PHB1: variants seen among roughly 807,000 people sequenced by gnomAD.
The protein encoded by PHB1 is epididymis luminal protein 215.
the PHB1 span, chr17:49,409,532 GTTTTTTTTTTGT>G: frequency 0.017 from 12,023 of 719,766 alleles, no homozygotes; most frequent in Non-Finnish European, 0.019. Flanking sequence ...GAAAACAAGT[GTTTTTTTTTTGT>G]TTTTTTTTTT....
the PHB1 span, chr17:49,414,257 C>T: frequency 1.3e-5 from 2 of 152,190 alleles, no homozygotes; most frequent in East Asian, 1.9e-4. Flanking sequence ...CACCATACTG[C>T]TTGTCAACAT....
chr17:49,411,543 G>A, the PHB1 span: 14 of 728,538 alleles, frequency 1.9e-5, no homozygotes, highest in African/African-American at 5.3e-5. Context: ...TCCAGGGCAA[G>A]TAGTCTAGTC....
At chr17:49,409,173 A>C in the PHB1 span, 2 of 1,597,228 alleles carry the variant, frequency 1.3e-6, no homozygotes, top group Non-Finnish European at 1.7e-6. Context: ...TTTCAAAGGG[A>C]GGAGCAGAAG....
the PHB1 span, among the ~76,000 whole-genome samples, chr17:49,411,086 A>G: frequency 3.7e-4 from 57 of 152,128 alleles, no homozygotes; most frequent in Non-Finnish European, 7.2e-4. Flanking sequence ...CAACTCCCTG[A>G]TCTCTGGAAG....
chr17:49,409,824 C>T, the PHB1 span, among the ~76,000 whole-genome samples: 13 of 149,328 alleles, frequency 8.7e-5, no homozygotes, highest in Non-Finnish European at 1.8e-4. Flanking sequence ...GTGTGAGCCA[C>T]CGCACCTGGC....
the PHB1 span, chr17:49,406,895 G>C: frequency 2.1e-6 from 3 of 1,412,140 alleles, no homozygotes; most frequent in Non-Finnish European, 3.0e-6. Flanking sequence ...CAGTGTGATT[G>C]CTTCGACAGC....
chr17:49,411,764 T>C, the PHB1 span: 3 of 1,613,954 alleles, frequency 1.9e-6, no homozygotes, highest in Non-Finnish European at 2.5e-6. Flanking sequence ...GATGAGAAAA[T>C]GAGTCCCTTC....
chr17:49,407,703 C>T, the PHB1 span, among the ~76,000 whole-genome samples: 1 of 152,188 alleles, frequency 6.6e-6, no homozygotes, highest in Non-Finnish European at 1.5e-5. Flanking sequence ...TGTTTCATTT[C>T]CTCCACTCTC....
chr17:49,405,100 C>T, the PHB1 span: 3 of 1,613,020 alleles, frequency 1.9e-6, no homozygotes, highest in Non-Finnish European at 2.5e-6. Context: ...GCTTGCGCAG[C>T]TCGATCAGGC....
chr17:49,409,977 C>A, the PHB1 span, among the ~76,000 whole-genome samples: 1 of 152,144 alleles, frequency 6.6e-6, no homozygotes, highest in African/African-American at 2.4e-5. Context: ...ACCTCCTGGG[C>A]TCAGTTGATC....
At chr17:49,412,898 C>T in the PHB1 span, 1 of 337,694 alleles carries the variant, frequency 3.0e-6, no homozygotes, top group Middle Eastern at 8.8e-4. Flanking sequence ...TTGGGTGGTG[C>T]GGCTTCACTT....
At chr17:49,411,894 A>C in the PHB1 span, 1 of 1,544,052 alleles carries the variant, frequency 6.5e-7, no homozygotes, top group Non-Finnish European at 8.9e-7. Flanking sequence ...TTTAAACAAA[A>C]GGATCATGTC....
At chr17:49,408,947 A>C in the PHB1 span, 1 of 750,430 alleles carries the variant, frequency 1.3e-6, no homozygotes, top group African/African-American at 1.7e-5. Context: ...GCAAAGCAGA[A>C]GGGAGGACCT....
the PHB1 span, chr17:49,406,605 A>T: frequency 1.5e-6 from 1 of 664,334 alleles, no homozygotes; most frequent in East Asian, 2.7e-5. Context: ...AGACTCTGGA[A>T]CCAATTGCAG....
chr17:49,412,327 T>C, the PHB1 span: 1 of 159,824 alleles, frequency 6.3e-6, no homozygotes, highest in Non-Finnish European at 1.4e-5. Flanking sequence ...TAAGGGGTTA[T>C]AGAGCTGTCT....
chr17:49,411,225 G>A, the PHB1 span, among the ~76,000 whole-genome samples: 58 of 135,314 alleles, frequency 4.3e-4, no homozygotes, highest in African/African-American at 1.5e-3. Context: ...TTTTGAGACA[G>A]AGTCTCACTC....
At chr17:49,414,278 G>A in the PHB1 span, 1 of 152,096 alleles carries the variant, frequency 6.6e-6, no homozygotes, top group Non-Finnish European at 1.5e-5. Context: ...CGTGTATTAA[G>A]AACGACATGC....
chr17:49,411,970 A>C, the PHB1 span: 2 of 777,402 alleles, frequency 2.6e-6, no homozygotes, highest in Non-Finnish European at 4.0e-6. Context: ...GTCTTCCCCA[A>C]CTCCTGGTCT....
chr17:49,408,322 C>G, the PHB1 span, among the ~76,000 whole-genome samples: 1 of 152,218 alleles, frequency 6.6e-6, no homozygotes, highest in Non-Finnish European at 1.5e-5. Flanking sequence ...CACGGGAGAA[C>G]TGAACAGGAA....
Sources: allele counts gnomAD v4.1 joint callset (sites outside exome capture counted in the v4.1 genomes callset), GRCh38; gene constraint gnomAD v4.1.1; transcripts MANE v1.5; gene names NCBI Gene and HGNC (gene_info 2026-07-23, HGNC 2026-07-21).